The following ENOX2 variants were observed in gnomAD, a reference collection of about 807,000 sequenced individuals.
The protein encoded by ENOX2 is APK1 antigen.
A neutral mutation model predicts 45.0 loss-of-function variants in ENOX2; 36 were observed. The ratio of observed to expected loss-of-function variants is 0.80; its 90% CI spans 0.61 to 1.06. ENOX2 has a LOEUF of 1.06. Among genes scored for constraint, ENOX2 ranks in the 50% least tolerant of loss-of-function variants. The pLI is 0.00. For missense variants in ENOX2, 423 were observed against 462.5 expected (o/e 0.91, Z 0.78); for synonymous variants, 174 against 152.3 (o/e 1.14, Z -1.05).
At chrX:130,831,538 T>C (rs2077828575) in intron 2 of ENOX2, among the ~76,000 whole-genome samples, 1 of 111,058 alleles carries the variant, frequency 9.0e-6, no homozygotes, top group Non-Finnish European at 1.9e-5. Context: ...ATACAACCAC[T>C]CATCTCTTGC....
intron 2 of ENOX2, among the ~76,000 whole-genome samples, chrX:130,851,395 A>AT (rs1396069350): frequency 9.1e-6 from 1 of 110,076 alleles, no homozygotes; most frequent in African/African-American, 3.3e-5. Context: ...TAATTTTTGT[A>AT]TTTTTTGTAG....
intron 3 of ENOX2, among the ~76,000 whole-genome samples, chrX:130,745,181 T>C (rs1354924804): frequency 8.9e-6 from 1 of 111,864 alleles, no homozygotes; most frequent in Non-Finnish European, 1.9e-5. Context: ...GAAGATATTA[T>C]TTCCATTTTA....
In ENOX2 at chrX:130,731,231, A is replaced by G. The variant is rs184651258; in HGVS notation, c.-38-27977T>C. Among the ~76,000 whole-genome samples the G allele has an allele frequency of 7.3e-4, 82 of 112,274 alleles. 1 individual carries two copies. Among genetic ancestry groups the G allele is most frequent in the Non-Finnish European group, 1.3e-4 (7 of 53,261 alleles). On this transcript the variant is annotated intron_variant, in intron 3 of 14. Coordinates refer to ENST00000394363, the MANE Select transcript of ENOX2 (RefSeq NM_006375.4). ...TGCATTATAGAATGTTTTAAGGACTAAGTAAAATAAGGTGCATAAAGTTTA... is the reference window on the plus strand; with the variant it reads ...TGCATTATAGAATGTTTTAAGGACTGAGTAAAATAAGGTGCATAAAGTTTA...
At chrX:130,736,982 A>G (rs1444096528) in intron 3 of ENOX2, among the ~76,000 whole-genome samples, 1 of 112,281 alleles carries the variant, frequency 8.9e-6, no homozygotes, top group African/African-American at 3.2e-5. Context: ...AGGGTTGAAG[A>G]ATTTACAACC....
chrX:130,806,454 T>C (rs2077301740), intron 2 of ENOX2, among the ~76,000 whole-genome samples: 1 of 112,286 alleles, frequency 8.9e-6, no homozygotes, highest in Non-Finnish European at 1.9e-5. Flanking sequence ...GGATAATGAG[T>C]GGACAATAGA....
At chrX:130,877,190 T>C (rs1249851055) in intron 2 of ENOX2, among the ~76,000 whole-genome samples, 7 of 111,966 alleles carry the variant, frequency 6.3e-5, no homozygotes, top group Non-Finnish European at 1.3e-4. Flanking sequence ...AGTCGTATTA[T>C]TATACGAAAT....
chrX:130,813,020 A>C (rs1374498958), intron 2 of ENOX2, among the ~76,000 whole-genome samples: 10 of 112,297 alleles, frequency 8.9e-5, no homozygotes, highest in Non-Finnish European at 1.9e-4. Context: ...CTAAAAGAAA[A>C]TGCTCATTGG....
chrX:130,787,326 C>T (rs1397320897), intron 2 of ENOX2, among the ~76,000 whole-genome samples: 1 of 112,089 alleles, frequency 8.9e-6, no homozygotes, highest in Non-Finnish European at 1.9e-5. Context: ...ATAAGAGTAC[C>T]TAACTCACAA....
At chrX:130,902,815 CAAAAA>C (rs763644761) in intron 1 of ENOX2, among the ~76,000 whole-genome samples, 2 of 48,814 alleles carry the variant, frequency 4.1e-5, no homozygotes, top group Non-Finnish European at 8.0e-5. Flanking sequence ...CGAGTTGGAC[CAAAAA>C]AAAAAAAAAA....
At chrX:130,752,508 T>C (rs2039248984) in intron 3 of ENOX2, among the ~76,000 whole-genome samples, 1 of 110,622 alleles carries the variant, frequency 9.0e-6, no homozygotes, top group Non-Finnish European at 1.9e-5. Flanking sequence ...TCTCTCTAAG[T>C]GTCTTGTCTC....
chrX:130,655,889 C>A (rs999340397), intron 10 of ENOX2, among the ~76,000 whole-genome samples: 22 of 112,149 alleles, frequency 2.0e-4, no homozygotes, highest in African/African-American at 7.1e-4. Flanking sequence ...CCACCCACCT[C>A]GGCCTCCCAA....
intron 3 of ENOX2, among the ~76,000 whole-genome samples, chrX:130,711,011 A>G (rs6654252): frequency 2.0e-3 from 223 of 112,015 alleles, no homozygotes; most frequent in African/African-American, 7.0e-3. Flanking sequence ...CATTTCTGGC[A>G]TATCACATAG....
At chrX:130,875,879 A>C (rs188529866) in intron 2 of ENOX2, among the ~76,000 whole-genome samples, 1 of 112,423 alleles carries the variant, frequency 8.9e-6, no homozygotes, top group African/African-American at 3.2e-5. Context: ...AATGGTAGAA[A>C]GTATTTTCAA....
chrX:130,632,368 G>GA (rs1556405742), intron 12 of ENOX2, among the ~76,000 whole-genome samples: 4 of 48,249 alleles, frequency 8.3e-5, no homozygotes, highest in African/African-American at 3.1e-4. Context: ...AAGGGGCGGG[G>GA]GGGGGGGGTG....
intron 2 of ENOX2, among the ~76,000 whole-genome samples, chrX:130,869,165 T>A (rs902394567): frequency 1.8e-5 from 2 of 110,886 alleles, no homozygotes; most frequent in African/African-American, 3.3e-5. Flanking sequence ...ATTTAGATCC[T>A]CCATCATCCT....
chrX:130,646,657 T>C (rs1009116179), intron 10 of ENOX2, among the ~76,000 whole-genome samples: 8 of 112,427 alleles, frequency 7.1e-5, no homozygotes, highest in African/African-American at 9.7e-5. Context: ...CTTGTGTTCG[T>C]TGGGGACTGG....
chrX:130,695,998 G>C (rs1340442423), intron 4 of ENOX2, among the ~76,000 whole-genome samples: 1 of 111,318 alleles, frequency 9.0e-6, no homozygotes, highest in Non-Finnish European at 1.9e-5. Flanking sequence ...TTTTTACAAT[G>C]ACTCTCAAAT....
chrX:130,834,306 G>A (rs1028664595), intron 2 of ENOX2, among the ~76,000 whole-genome samples: 2 of 111,506 alleles, frequency 1.8e-5, no homozygotes, highest in Admixed American at 9.5e-5. Flanking sequence ...TCCTTACAAT[G>A]GAACTCCATC....
intron 3 of ENOX2, among the ~76,000 whole-genome samples, chrX:130,768,462 A>G (rs765316334): frequency 4.4e-4 from 49 of 112,010 alleles, no homozygotes; most frequent in African/African-American, 1.3e-3. Flanking sequence ...GAACAAAATG[A>G]TCTCTAAGTG....
Sources: allele counts gnomAD v4.1 joint callset (sites outside exome capture counted in the v4.1 genomes callset), GRCh38; gene constraint gnomAD v4.1.1; transcripts MANE v1.5; gene names NCBI Gene and HGNC (gene_info 2026-07-23, HGNC 2026-07-21).